NTM: variants seen among roughly 807,000 people sequenced by gnomAD.
NTM encodes the protein IgLON family member 2.
A neutral mutation model predicts 42.1 loss-of-function variants in NTM; 13 were observed. The observed-to-expected ratio is 0.31, with a 90% CI of 0.20 to 0.49. The LOEUF (loss-of-function observed/expected upper bound fraction) is 0.49. Among genes scored for constraint, NTM ranks in the 20% least tolerant of loss-of-function variants. The pLI is 0.99. For missense variants in NTM, 373 were observed against 452.8 expected (o/e 0.82, Z 1.60); for synonymous variants, 187 against 179.2 (o/e 1.04, Z -0.35).
intron 1 of NTM, among the ~76,000 whole-genome samples, chr11:131,414,717 G>C (rs1166068644): frequency 6.6e-6 from 1 of 152,126 alleles, no homozygotes; most frequent in Non-Finnish European, 1.5e-5. Flanking sequence ...ATCCTTAATT[G>C]GTTCCTCATT....
chr11:131,983,162 C>T (rs2065521398), intron 2 of NTM, among the ~76,000 whole-genome samples: 1 of 151,552 alleles, frequency 6.6e-6, no homozygotes, highest in South Asian at 2.1e-4. Context: ...GTTGGTTTAT[C>T]TTGACCTCAG....
chr11:131,768,507 A>G (rs2085510913), intron 1 of NTM, among the ~76,000 whole-genome samples: 1 of 152,220 alleles, frequency 6.6e-6, no homozygotes, highest in Non-Finnish European at 1.5e-5. Context: ...CCTGTGATCC[A>G]TACATCAGGG....
chr11:131,708,738 G>T (rs2076832777), intron 1 of NTM, among the ~76,000 whole-genome samples: 1 of 151,946 alleles, frequency 6.6e-6, no homozygotes, highest in African/African-American at 2.4e-5. Context: ...TGTTTTTATG[G>T]GCATAAATCC....
At chr11:131,892,179 G>A (rs550608751) in intron 1 of NTM, among the ~76,000 whole-genome samples, 53 of 150,414 alleles carry the variant, frequency 3.5e-4, no homozygotes, top group South Asian at 1.1e-3. Flanking sequence ...CTTCTCCTCC[G>A]CCTTCTTCTT....
chr11:131,828,135 A>G (rs1366145381), intron 1 of NTM, among the ~76,000 whole-genome samples: 2 of 152,272 alleles, frequency 1.3e-5, no homozygotes, highest in African/African-American at 2.4e-5. Flanking sequence ...GAAGAAAAAA[A>G]AAAACAACTA....
intron 6 of NTM, among the ~76,000 whole-genome samples, chr11:132,314,178 CCAT>C (rs3028804): frequency 4.0e-5 from 6 of 151,206 alleles, no homozygotes; most frequent in South Asian, 2.1e-4. Context: ...ATCACCATCA[CCAT>C]CATCATCATC....
At chr11:132,001,265 A>G (rs1245479641) in intron 2 of NTM, among the ~76,000 whole-genome samples, 2 of 152,204 alleles carry the variant, frequency 1.3e-5, no homozygotes, top group Non-Finnish European at 1.5e-5. Flanking sequence ...TACAAAGATG[A>G]TGCAAAGATG....
intron 1 of NTM, among the ~76,000 whole-genome samples, chr11:131,614,675 C>A (rs2137574148): frequency 6.6e-6 from 1 of 152,334 alleles, no homozygotes; most frequent in Non-Finnish European, 1.5e-5. Context: ...TTTGTCAGTT[C>A]TTGTTCAAAG....
At chr11:131,529,359 A>T (rs1468928957) in intron 1 of NTM, among the ~76,000 whole-genome samples, 1 of 152,262 alleles carries the variant, frequency 6.6e-6, no homozygotes, top group African/African-American at 2.4e-5. Flanking sequence ...TGTTGTAAAC[A>T]TGTGTACATG....
rs1431290316 is a variant in NTM, at chr11:132,335,531, T to TTCAA, written c.*389_*392dup. On this transcript the variant is annotated 3_prime_UTR_variant, in exon 9 of 9. Transcript: ENST00000683400. ...ACATTCTGGAGCTGGCCATCCCAAA[T>TTCAA]TCAATCAGTCCATAGAGACGAACAG... The TTCAA allele has an allele frequency of 1.8e-5, 4 of 225,834 alleles. No individual in the cohort carries two copies. Among genetic ancestry groups the TTCAA allele is most frequent in the African/African-American group, 4.7e-5 (2 of 42,788 alleles). The allele number at this position is 225,834 out of a possible 1,614,324, so 14.0% of individuals were successfully genotyped here.
At chr11:132,043,788 A>T (rs999672594) in intron 2 of NTM, among the ~76,000 whole-genome samples, 2 of 152,174 alleles carry the variant, frequency 1.3e-5, no homozygotes. Flanking sequence ...AGGGGAGAGG[A>T]GAGAGGTAAG....
chr11:131,504,404 C>A (rs573146765), intron 1 of NTM, among the ~76,000 whole-genome samples: 1 of 152,326 alleles, frequency 6.6e-6, no homozygotes, highest in South Asian at 2.1e-4. Flanking sequence ...AGGACCGCAG[C>A]TACCCAGCTC....
At chr11:131,981,063 C>G (rs574908841) in intron 2 of NTM, 3 of 152,098 alleles carry the variant, frequency 2.0e-5, no homozygotes, top group Admixed American at 1.3e-4. Context: ...CCTCACTACT[C>G]CCTATTGGGA....
rs759270594 is a variant in NTM, at chr11:131,529,002, A to T, written c.82+158114A>T. 1.4e-4 allele frequency among the ~76,000 whole-genome samples: 22 copies of T among 152,210 alleles called. 1 individual carries two copies. The highest frequency in any genetic ancestry group is 1.3e-3 in the Admixed American group (20 of 15,290). On this transcript the variant is annotated intron_variant, in intron 1 of 8. Transcript: ENST00000683400. ...CAGTGCCTAGATGTCATGAGTGCTC[A>T]GTAAATATATATTGCAATGGGATTG...
At chr11:132,319,390 G>C (rs577328598) in intron 7 of NTM, among the ~76,000 whole-genome samples, 1 of 152,142 alleles carries the variant, frequency 6.6e-6, no homozygotes, top group African/African-American at 2.4e-5. Flanking sequence ...AGTGACCGTC[G>C]GCACCTGGAA....
At chr11:132,036,665 G>C (rs1310462147) in intron 2 of NTM, among the ~76,000 whole-genome samples, 4 of 152,058 alleles carry the variant, frequency 2.6e-5, no homozygotes, top group Non-Finnish European at 5.9e-5. Flanking sequence ...GTCATTAGGA[G>C]GCAACACACT....
At chr11:131,807,298 T>C (rs536426448) in intron 1 of NTM, among the ~76,000 whole-genome samples, 1 of 152,348 alleles carries the variant, frequency 6.6e-6, no homozygotes, top group African/African-American at 2.4e-5. Context: ...AGTCAGGCAC[T>C]ATATTTTTTT....
chr11:131,603,012 C>T (rs1040076642), intron 1 of NTM, among the ~76,000 whole-genome samples: 2 of 152,182 alleles, frequency 1.3e-5, no homozygotes, highest in African/African-American at 4.8e-5. Flanking sequence ...AGCAACTAAC[C>T]AGTCTTTCAA....
chr11:131,756,479 A>ACGC (rs2083350566), intron 1 of NTM, among the ~76,000 whole-genome samples: 1 of 151,334 alleles, frequency 6.6e-6, no homozygotes, highest in African/African-American at 2.4e-5. Flanking sequence ...AGCCGAGATC[A>ACGC]CGCCACTGCA....
Sources: allele counts gnomAD v4.1 joint callset (sites outside exome capture counted in the v4.1 genomes callset), GRCh38; gene constraint gnomAD v4.1.1; transcripts MANE v1.5; gene names NCBI Gene and HGNC (gene_info 2026-07-23, HGNC 2026-07-21).